Variants in NCALD observed in about 807,000 individuals in gnomAD.
The protein encoded by NCALD is neurocalcin delta, also known as neurocalcin-delta.
A neutral mutation model predicts 18.6 loss-of-function variants in NCALD; 10 were observed. The observed-to-expected ratio is 0.54, with a 90% CI of 0.33 to 0.91. The LOEUF is 0.91. Among genes scored for constraint, NCALD ranks in the 40% least tolerant of loss-of-function variants. NCALD has a pLI of 0.03. For synonymous variants in NCALD, 88 were observed against 87.4 expected, an observed-to-expected ratio of 1.01 and a Z score of -0.04; for missense variants, 184 against 247.6, an observed-to-expected ratio of 0.74 and a Z score of 1.72.
At chr8:101,795,055 A>G (rs1259424370), upstream of NCALD, among the ~76,000 whole-genome samples, 1 of 152,204 alleles carries the variant, frequency 6.6e-6, no homozygotes, top group Non-Finnish European at 1.5e-5. Context: ...AAAGTAAACT[A>G]GAGAAAATGT....
intron 2 of NCALD, among the ~76,000 whole-genome samples, chr8:101,933,712 G>A (rs562368735): frequency 2.0e-5 from 3 of 152,026 alleles, no homozygotes; most frequent in Non-Finnish European, 4.4e-5. Context: ...AGTCCTCATC[G>A]ATCCTAAAGG....
intron 2 of NCALD, among the ~76,000 whole-genome samples, chr8:102,012,082 G>A (rs1411556950): frequency 1.3e-5 from 2 of 152,152 alleles, no homozygotes; most frequent in East Asian, 1.9e-4. Flanking sequence ...TTGCCCCGAA[G>A]GAGTCCTGGG....
intron 4 of NCALD, among the ~76,000 whole-genome samples, chr8:101,845,054 T>C (rs1294302223): frequency 6.6e-6 from 1 of 152,192 alleles, no homozygotes; most frequent in Non-Finnish European, 1.5e-5. Context: ...ATGCTTAAAG[T>C]GGCAGCTACA....
chr8:101,919,354 C>A (rs1242191439), intron 2 of NCALD, among the ~76,000 whole-genome samples: 1 of 152,092 alleles, frequency 6.6e-6, no homozygotes, highest in African/African-American at 2.4e-5. Flanking sequence ...TGTACCCCTA[C>A]CTTTCATCAC....
At chr8:101,768,140 T>C (rs896185008) in intron 1 of NCALD, among the ~76,000 whole-genome samples, 10 of 152,196 alleles carry the variant, frequency 6.6e-5, no homozygotes, top group African/African-American at 2.2e-4. Context: ...CTGTTACCTA[T>C]AAACTCTACC....
chr8:101,983,313 C>T (rs1048527899), intron 2 of NCALD, among the ~76,000 whole-genome samples: 2 of 152,162 alleles, frequency 1.3e-5, no homozygotes, highest in Non-Finnish European at 2.9e-5. Flanking sequence ...CTAAGATTTC[C>T]TTTTCTTTAG....
intron 1 of NCALD, among the ~76,000 whole-genome samples, chr8:102,096,353 C>T (rs1369982575): frequency 6.6e-6 from 1 of 152,158 alleles, no homozygotes; most frequent in African/African-American, 2.4e-5. Context: ...GATAAGGACA[C>T]CAGTATTGGA....
intron 1 of NCALD, among the ~76,000 whole-genome samples, chr8:101,786,548 T>C (rs186912598): frequency 2.6e-5 from 4 of 152,318 alleles, no homozygotes; most frequent in Admixed American, 1.3e-4. Flanking sequence ...ATATGAATCA[T>C]ATCAAAGTCT....
In NCALD at chr8:101,786,511, G is replaced by A. The variant is rs151315660; in HGVS notation, c.-20+4351C>T. ...CTCCAACGATATTGTAAATATGGTC[G>A]TCACAAACCTGATCATGGTTTGAGT... On this transcript the variant is annotated intron_variant, in intron 1 of 3. Coordinates refer to ENST00000220931, the MANE Select transcript of NCALD (RefSeq NM_032041.3). Among the ~76,000 whole-genome samples the A allele has an allele frequency of 1.4e-3, 214 of 152,222 alleles. 1 individual carries two copies. Among genetic ancestry groups the A allele is most frequent in the East Asian group, 4.6e-3 (24 of 5,184 alleles).
intron 1 of NCALD, among the ~76,000 whole-genome samples, chr8:101,737,321 C>G (rs1213641202): frequency 1.3e-5 from 2 of 152,198 alleles, no homozygotes; most frequent in Non-Finnish European, 2.9e-5. Flanking sequence ...TTTCCTGTCA[C>G]TGCTACCATT....
In NCALD at chr8:101,944,852, G is replaced by A. The variant is rs529672283; in HGVS notation, c.-156-28994C>T. The stretch of plus-strand genomic sequence containing the variant: ...CAGCTTCTCACTATTGCTAGTCCCC[G>A]CGTGCTTCAGCAACCCATCTGGTTC... On this transcript the variant is annotated intron_variant, in intron 2 of 6. Transcript: ENST00000311028. 7.2e-5 allele frequency among the ~76,000 whole-genome samples: 11 copies of A among 152,218 alleles called. No homozygotes were observed. In the East Asian group the frequency reaches 7.7e-4, roughly 11 times the overall value.
intron 2 of NCALD, among the ~76,000 whole-genome samples, chr8:101,698,175 C>T (rs1815091871): frequency 6.6e-6 from 1 of 152,162 alleles, no homozygotes; most frequent in South Asian, 2.1e-4. Flanking sequence ...AATGAACTCC[C>T]ATTCACAATT....
chr8:101,730,344 G>A (rs564938682), intron 1 of NCALD, among the ~76,000 whole-genome samples: 5 of 151,842 alleles, frequency 3.3e-5, no homozygotes, highest in African/African-American at 4.8e-5. Context: ...GCCAGGGGTG[G>A]TGGTGCAAGC....
intron 2 of NCALD, among the ~76,000 whole-genome samples, chr8:101,694,790 T>G (rs1814908012): frequency 6.6e-6 from 1 of 152,110 alleles, no homozygotes; most frequent in Non-Finnish European, 1.5e-5. Flanking sequence ...TAGTGCCATG[T>G]GCCTCACTGC....
At chr8:101,709,483 A>T (rs1664631546) in intron 2 of NCALD, among the ~76,000 whole-genome samples, 1 of 152,198 alleles carries the variant, frequency 6.6e-6, no homozygotes, top group Admixed American at 6.5e-5. Context: ...TCCTGTAGTT[A>T]AAATTTGGCC....
At chr8:101,827,992 T>C (rs1814011152) in intron 4 of NCALD, among the ~76,000 whole-genome samples, 1 of 152,184 alleles carries the variant, frequency 6.6e-6, no homozygotes, top group East Asian at 1.9e-4. Context: ...ATGCACTATG[T>C]AGGTGGAGGA....
intron 4 of NCALD, among the ~76,000 whole-genome samples, chr8:101,805,808 G>T (rs371452683): frequency 6.6e-6 from 1 of 152,166 alleles, no homozygotes; most frequent in African/African-American, 2.4e-5. Flanking sequence ...TTATCAAAGA[G>T]AACTAGGAAA....
chr8:101,835,515 C>G (rs1287466729), intron 4 of NCALD, among the ~76,000 whole-genome samples: 1 of 152,220 alleles, frequency 6.6e-6, no homozygotes, highest in African/African-American at 2.4e-5. Flanking sequence ...GCCCCAAATG[C>G]TGATAGGCTG....
intron 3 of NCALD, among the ~76,000 whole-genome samples, chr8:101,910,422 C>G (rs1311576534): frequency 6.6e-6 from 1 of 152,112 alleles, no homozygotes; most frequent in African/African-American, 2.4e-5. Context: ...TTTGGGGACA[C>G]AGGGCCCCAA....
Sources: allele counts gnomAD v4.1 joint callset (sites outside exome capture counted in the v4.1 genomes callset), GRCh38; gene constraint gnomAD v4.1.1; transcripts MANE v1.5; gene names NCBI Gene and HGNC (gene_info 2026-07-23, HGNC 2026-07-21).